The following TMPRSS15 variants were observed in gnomAD, a reference collection of about 807,000 sequenced individuals.
TMPRSS15 encodes transmembrane serine protease 15, also known as enteropeptidase.
TMPRSS15 carries 128 observed loss-of-function variants against 125.3 expected under a neutral mutation model. That is an observed-to-expected ratio of 1.02 (90% CI 0.89 to 1.18). The LOEUF is 1.18. TMPRSS15 is among the 50% of genes most tolerant of loss of function. The pLI, the probability that TMPRSS15 is intolerant of heterozygous loss-of-function variation, is 0.00. For synonymous variants in TMPRSS15, 446 were observed against 423.2 expected, an observed-to-expected ratio of 1.05 and a Z score of -0.66; for missense variants, 1,283 against 1,212.7, an observed-to-expected ratio of 1.06 and a Z score of -0.86.
Position 18,296,018 on chromosome 21 carries a change from T to C in TMPRSS15, c.2262-1366A>G, listed in dbSNP as rs190886077. Among the ~76,000 whole-genome samples the C allele has an allele frequency of 9.7e-4, 147 of 152,220 alleles. 2 individuals carry two copies. The East Asian group carries it at 0.018, about 19-fold the overall frequency. ...ATACACAAAAATTAGCCAGGCGTGGTGGCGGGCACCTGTAGCCCCAGCTAC... is the reference window on the plus strand; with the variant it reads ...ATACACAAAAATTAGCCAGGCGTGGCGGCGGGCACCTGTAGCCCCAGCTAC... On this transcript the variant is annotated intron_variant, in intron 19 of 24. Transcript: ENST00000284885.
intron 8 of TMPRSS15, among the ~76,000 whole-genome samples, chr21:18,357,564 T>C (rs948503437): frequency 6.6e-6 from 1 of 151,874 alleles, no homozygotes; most frequent in African/African-American, 2.4e-5. Flanking sequence ...CTATTTGAGA[T>C]TGTATATTTT....
chr21:18,314,646 A>G (rs2075141834), intron 17 of TMPRSS15, among the ~76,000 whole-genome samples: 1 of 152,144 alleles, frequency 6.6e-6, no homozygotes, highest in South Asian at 2.1e-4. Flanking sequence ...ATAGTACGTA[A>G]GTGTTAAATA....
chr21:18,377,382 C>T (rs538587391), intron 5 of TMPRSS15, among the ~76,000 whole-genome samples: 1 of 151,844 alleles, frequency 6.6e-6, no homozygotes, highest in Admixed American at 6.6e-5. Flanking sequence ...TTGTTCAATT[C>T]TGTTTCATCA....
chr21:18,436,944 C>A (rs556743092), intron 1 of TMPRSS15, among the ~76,000 whole-genome samples: 2 of 114,382 alleles, frequency 1.7e-5, no homozygotes, highest in Admixed American at 9.5e-5. Flanking sequence ...AAGCTACCAA[C>A]GACTTTCTTC....
At chr21:18,340,195 A>G (rs1332467276) in intron 13 of TMPRSS15, among the ~76,000 whole-genome samples, 2 of 152,182 alleles carry the variant, frequency 1.3e-5, no homozygotes, top group East Asian at 3.9e-4. Context: ...GGGTAGGCAC[A>G]ATATAATCAG....
At chr21:18,305,430 C>G (rs1407940800) in intron 18 of TMPRSS15, among the ~76,000 whole-genome samples, 1 of 152,034 alleles carries the variant, frequency 6.6e-6, no homozygotes, top group Non-Finnish European at 1.5e-5. Context: ...CCTCGTGATC[C>G]GCCCTTCTCG....
intron 5 of TMPRSS15, among the ~76,000 whole-genome samples, chr21:18,377,893 A>G (rs2075858918): frequency 1.3e-5 from 2 of 152,106 alleles, no homozygotes. Flanking sequence ...GTTTCAGCCA[A>G]TTCTTTATAC....
chr21:18,341,752 G>A (rs910962000), intron 12 of TMPRSS15, among the ~76,000 whole-genome samples: 1 of 152,044 alleles, frequency 6.6e-6, no homozygotes, highest in African/African-American at 2.4e-5. Context: ...CCCTTATTAT[G>A]TGTTCACACT....
intron 17 of TMPRSS15, among the ~76,000 whole-genome samples, 178 bp downstream of exon 17, chr21:18,314,968 A>T (rs76438909): frequency 1.8e-4 from 28 of 152,270 alleles, no homozygotes; most frequent in African/African-American, 6.7e-4. Flanking sequence ...CTGCGTATTA[A>T]CTTTTCTTCT....
chr21:18,419,659 C>A (rs1052848759), intron 1 of TMPRSS15, among the ~76,000 whole-genome samples: 7 of 152,132 alleles, frequency 4.6e-5, no homozygotes, highest in Admixed American at 2.0e-4. Flanking sequence ...GGAGATCCAC[C>A]TCTACGTTTT....
At chr21:18,352,838 C>A (rs1298835377) in intron 10 of TMPRSS15, 65 bp downstream of exon 10, 2 of 1,549,442 alleles carry the variant, frequency 1.3e-6, no homozygotes, top group Non-Finnish European at 1.8e-6. Context: ...CAGTACAACA[C>A]ATACCTCTTT....
chr21:18,447,584 G>T (rs2076258495), intron 1 of TMPRSS15, among the ~76,000 whole-genome samples: 1 of 152,122 alleles, frequency 6.6e-6, no homozygotes, highest in Non-Finnish European at 1.5e-5. Flanking sequence ...GTTTGGGAGG[G>T]ACTTGGTGGG....
intron 24 of TMPRSS15, among the ~76,000 whole-genome samples, chr21:18,273,074 G>T (rs2074579106): frequency 6.6e-6 from 1 of 152,160 alleles, no homozygotes; most frequent in South Asian, 2.1e-4. Context: ...GGTGCTGCTG[G>T]ACTGGAGGCC....
intron 13 of TMPRSS15, among the ~76,000 whole-genome samples, chr21:18,336,055 G>A (rs2075389385): frequency 6.6e-6 from 1 of 151,676 alleles, no homozygotes; most frequent in Admixed American, 6.6e-5. Context: ...GCAGTATTTG[G>A]CAAAGTGGTT....
chr21:18,353,329 C>A (rs1476021658), intron 9 of TMPRSS15, among the ~76,000 whole-genome samples: 5 of 151,632 alleles, frequency 3.3e-5, no homozygotes, highest in African/African-American at 1.2e-4. Context: ...CATCTTGTTT[C>A]CATTGGTTCA....
At chr21:18,294,885 A>G (rs2074883677) in intron 19 of TMPRSS15, among the ~76,000 whole-genome samples, 1 of 152,166 alleles carries the variant, frequency 6.6e-6, no homozygotes, top group Admixed American at 6.5e-5. Context: ...GTTACTCAAT[A>G]TCCCTGAGAC....
chr21:18,451,667 T>A (rs1978341506), intron 1 of TMPRSS15, among the ~76,000 whole-genome samples: 2 of 152,194 alleles, frequency 1.3e-5, no homozygotes, highest in Non-Finnish European at 2.9e-5. Context: ...GAGAAGAGCT[T>A]ATGCTTTTTT....
At chr21:18,304,305 A>G (rs1323690316) in intron 18 of TMPRSS15, among the ~76,000 whole-genome samples, 1 of 152,172 alleles carries the variant, frequency 6.6e-6, no homozygotes, top group African/African-American at 2.4e-5. Flanking sequence ...TTACCAGGTG[A>G]AATCAAACTG....
intron 13 of TMPRSS15, among the ~76,000 whole-genome samples, chr21:18,335,834 A>T (rs997314881): frequency 3.4e-4 from 51 of 152,198 alleles, no homozygotes; most frequent in African/African-American, 1.2e-3. Context: ...AATTCCAAAT[A>T]TCACAGTCAT....
Sources: allele counts gnomAD v4.1 joint callset (sites outside exome capture counted in the v4.1 genomes callset), GRCh38; gene constraint gnomAD v4.1.1; transcripts MANE v1.5; gene names NCBI Gene and HGNC (gene_info 2026-07-23, HGNC 2026-07-21).